Variants in ADCY4 observed in about 807,000 individuals in gnomAD.
The protein encoded by ADCY4 is adenylate cyclase type 4.
ADCY4 carries 111 observed loss-of-function variants against 125.5 expected under a neutral mutation model. That is an observed-to-expected ratio of 0.88 (90% CI 0.76 to 1.04). ADCY4 has a LOEUF of 1.04. Among genes scored for constraint, ADCY4 ranks in the 50% least tolerant of loss-of-function variants. The pLI is 0.00. For missense variants in ADCY4, 1,256 were observed against 1,382.9 expected (o/e 0.91, Z 1.46); for synonymous variants, 576 against 586.9 (o/e 0.98, Z 0.27).
At chr14:24,331,973 C>T in intron 3 of ADCY4, 36 bp from the exon 4 acceptor site, 1 of 1,503,776 alleles carries the variant, frequency 6.6e-7, no homozygotes, top group Non-Finnish European at 9.0e-7. Flanking sequence ...GGCGCGGGAC[C>T]CGGGTGCTTG....
intron 20 of ADCY4, among the ~76,000 whole-genome samples, chr14:24,320,900 G>T (rs982619671): frequency 3.3e-5 from 5 of 151,982 alleles, no homozygotes; most frequent in African/African-American, 9.7e-5. Flanking sequence ...GGATAGTGCA[G>T]GTCTAGAGAG....
Position 24,332,991 on chromosome 14 carries a change from G to T in ADCY4, c.160-3C>A. 6.6e-7 allele frequency: 1 copy of T among 1,519,014 alleles called. No homozygotes were observed. The highest frequency in any genetic ancestry group is 8.8e-7 in the Non-Finnish European group (1 of 1,133,016). The allele number at this position is 1,519,014 out of a possible 1,614,324, so 94.1% of individuals were successfully genotyped here. On this transcript the variant is annotated splice_region_variant and splice_polypyrimidine_tract_variant and intron_variant, in intron 1 of 24. Transcript: ENST00000418030. ...AAGCTCGGGTCTGAGGTCAGCTCCTGTGGGCAGGGGTGTGTGAGGCAAGAT... is the reference window on the plus strand; with the variant it reads ...AAGCTCGGGTCTGAGGTCAGCTCCTTTGGGCAGGGGTGTGTGAGGCAAGAT...
At position 24,334,884 on chromosome 14, in the gene ADCY4, C is replaced by T; in HGVS notation, c.-232G>A. On this transcript the variant is annotated 5_prime_UTR_variant, in exon 1 of 25. Transcript: ENST00000418030. ...AGTCCTTTCCTCCTCCTCCCTCAAA[C>T]CCGGATTGTAGAGGTGCCCTAGAAA... is the stretch of plus-strand genomic sequence containing the variant. 2 of 514,826 alleles carry T rather than the reference C, an allele frequency of 3.9e-6. No homozygotes were observed. The highest frequency in any genetic ancestry group is 6.8e-6 in the Non-Finnish European group (2 of 292,914). The allele number at this position is 514,826 out of a possible 1,614,324, so 31.9% of individuals were successfully genotyped here. A position where few individuals can be genotyped will look rare whatever the true frequency, so the allele number is the denominator to read the frequency against.
intron 10 of ADCY4, among the ~76,000 whole-genome samples, chr14:24,327,032 G>A (rs1291564347): frequency 6.6e-6 from 1 of 151,514 alleles, no homozygotes; most frequent in Non-Finnish European, 1.5e-5. Context: ...GAGTAGCTGG[G>A]ATTGCAGGCA....
chr14:24,322,596 C>T, intron 19 of ADCY4, 28 bp downstream of exon 19: 1 of 1,611,708 alleles, frequency 6.2e-7, no homozygotes, highest in Non-Finnish European at 8.5e-7. Context: ...ATAGGTGGGC[C>T]CTGGTGGGGC....
At chr14:24,331,187 T>C (rs763831256) in intron 5 of ADCY4, 21 bp downstream of exon 5, 1 of 1,613,908 alleles carries the variant, frequency 6.2e-7, no homozygotes, top group South Asian at 1.1e-5. Flanking sequence ...GCCCCTCCCC[T>C]CCAGCCATTC....
At chr14:24,323,183 C>A in intron 17 of ADCY4, 95 bp from the exon 18 acceptor site, 1 of 1,464,602 alleles carries the variant, frequency 6.8e-7, no homozygotes, top group Admixed American at 2.0e-5. Flanking sequence ...GGCCCAGGTC[C>A]TATCTGGGAG....
At chr14:24,333,943 G>T (rs1392136137) in intron 1 of ADCY4, among the ~76,000 whole-genome samples, 1 of 152,184 alleles carries the variant, frequency 6.6e-6, no homozygotes, top group Admixed American at 6.5e-5. Context: ...AGCAAGGATT[G>T]GCCGCGCCCG....
intron 4 of ADCY4, 142 bp downstream of exon 4, chr14:24,331,646 G>T: frequency 1.6e-6 from 2 of 1,247,338 alleles, no homozygotes; most frequent in Non-Finnish European, 2.1e-6. Flanking sequence ...TTCTAAGATG[G>T]GCAATACCCA....
In ADCY4 at chr14:24,331,227, T is replaced by C; in HGVS notation, c.799A>G (p.Lys267Glu). ...TCATACCTGACTCCCTGGTGCCTCT[T>C]GACATAGAGGCTGTGGAAATTGTTA... is the stretch of plus-strand genomic sequence containing the variant. The part of the protein sequence containing the change: ...STNNFHSLYV[K>E]RHQGVSVLYA... Residue 267 changes from lysine to glutamate, a missense_variant, in exon 5 of 25, where the codon AAG becomes GAG. Transcript: ENST00000418030. The C allele has an allele frequency of 3.7e-6, 6 of 1,614,188 alleles. No individual in the cohort carries two copies. The highest frequency in any genetic ancestry group is 5.1e-6 in the Non-Finnish European group (6 of 1,180,030).
chr14:24,326,849 T>C (rs549294995), intron 10 of ADCY4, among the ~76,000 whole-genome samples: 128 of 149,912 alleles, frequency 8.5e-4, no homozygotes, highest in Non-Finnish European at 1.5e-3. Context: ...CTGCCTCGGC[T>C]TCTCAAAGTG....
At chr14:24,325,603 C>CCT (rs1365094646) in intron 13 of ADCY4, 129 bp from the exon 14 acceptor site, 1 of 915,710 alleles carries the variant, frequency 1.1e-6, no homozygotes, top group African/African-American at 1.7e-5. Context: ...CCATGTAGAC[C>CCT]CTACCAGTTC....
At position 24,319,497 on chromosome 14, in the gene ADCY4, A is replaced by G. The variant is rs751610482; in HGVS notation, c.2734-61T>C. 333 of 1,538,152 alleles carry G rather than the reference A, an allele frequency of 2.2e-4. No homozygotes were observed. Among genetic ancestry groups the G allele is most frequent in the Non-Finnish European group, 3.0e-4 (329 of 1,114,030 alleles). On this transcript the variant is annotated intron_variant, in intron 21 of 24. Transcript: ENST00000418030. The surrounding 1 kb of genome is among the most constrained non-coding windows in gnomAD (Gnocchi z 4.5). ...TTACTCTCTCCATCACCTCTCCCAG[A>G]AGCCCAGCCCCAAGCCTTTGGAGTT...
At position 24,329,125 on chromosome 14, in the gene ADCY4, G is replaced by C; in HGVS notation, c.1460C>G (p.Ala487Gly). Reference sequence around the variant, plus strand: ...GCTCAGGTGGGCAAAAGGCTTGGCTGCGCCCCAGGACTCCAGGTAACGGGT... The same window carrying C: ...GCTCAGGTGGGCAAAAGGCTTGGCTCCGCCCCAGGACTCCAGGTAACGGGT... ...LMTRYLESWGAAKPFAHLSHG... is the reference protein window; with the variant it reads ...LMTRYLESWGGAKPFAHLSHG... Residue 487 changes from alanine to glycine, a missense_variant, in exon 10 of 25, where the codon GCA becomes GGA. By Grantham distance (60) the Ala-to-Gly change is moderately conservative. Coordinates refer to ENST00000418030, the MANE Select transcript of ADCY4 (RefSeq NM_001198568.2). 6.2e-7 allele frequency: 1 copy of C among 1,614,006 alleles called. No homozygotes were observed. The highest frequency in any genetic ancestry group is 8.5e-7 in the Non-Finnish European group (1 of 1,179,934).
intron 19 of ADCY4, 103 bp downstream of exon 19, chr14:24,322,521 A>G: frequency 2.4e-6 from 3 of 1,262,856 alleles, no homozygotes; most frequent in South Asian, 1.4e-5. Flanking sequence ...GCTCGCTTAG[A>G]AGCTTCCAAT....
At chr14:24,329,833 G>A (rs955584231) in intron 8 of ADCY4, 27 bp downstream of exon 8, 1 of 1,601,866 alleles carries the variant, frequency 6.2e-7, no homozygotes, top group African/African-American at 1.3e-5. Flanking sequence ...GCCTTCTGCT[G>A]TAGCTGCCTA....
At chr14:24,320,104 G>C (rs3181382) in intron 20 of ADCY4, among the ~76,000 whole-genome samples, 1 of 152,100 alleles carries the variant, frequency 6.6e-6, no homozygotes, top group Non-Finnish European at 1.5e-5. Flanking sequence ...ACAGAGGTTT[G>C]GCGTTAGGAT....
intron 20 of ADCY4, chr14:24,321,850 G>A: frequency 1.5e-6 from 2 of 1,319,390 alleles, no homozygotes; most frequent in Non-Finnish European, 1.9e-6. Flanking sequence ...TCATGAGTTA[G>A]AGAAGACATG....
chr14:24,331,266 G>T lies in ADCY4; in HGVS notation c.760C>A (p.Arg254=), dbSNP rs138257439. ...TGGAAATTGTTAGTGCTCTCTGGCC[G>T]TGACCCCTGTCCTGCCTGCAGCCGT... ...MARLQAGQGS[R]PESTNNFHSL... The change falls in exon 5 of 25, where the codon CGG becomes AGG. Residue 254 remains arginine (R), a synonymous_variant. Transcript: ENST00000418030. The T allele has an allele frequency of 5.6e-6, 9 of 1,614,168 alleles. No individual in the cohort carries two copies. In the East Asian group the frequency reaches 2.0e-4, roughly 36 times the overall value.
Sources: gnomAD v4.1 joint callset for allele counts (sites outside exome capture counted in the v4.1 genomes callset) on GRCh38, gnomAD v4.1.1 for gene constraint, Gnocchi (gnomAD v3.1) non-coding constraint, MANE v1.5 for transcripts, NCBI Gene and HGNC (gene_info 2026-07-23, HGNC 2026-07-21) for gene names.